Variants in CNPY1 observed in about 807,000 individuals in gnomAD.
CNPY1 encodes canopy FGF signaling regulator 1, also known as protein canopy homolog 1.
CNPY1 carries 14 observed loss-of-function variants against 14.4 expected under a neutral mutation model. The observed-to-expected ratio is 0.97, with a 90% CI of 0.64 to 1.52. CNPY1 has a LOEUF of 1.52. Among genes scored for constraint, CNPY1 ranks in the 40% most tolerant of loss-of-function variants. The pLI, the probability that CNPY1 is intolerant of heterozygous loss-of-function variation, is 0.00. For synonymous variants in CNPY1, 43 were observed against 46.5 expected (o/e 0.92, Z 0.31); for missense variants, 129 against 131.5 (o/e 0.98, Z 0.09).
chr7:155,526,351 G>T (rs1281131762), intron 2 of CNPY1, among the ~76,000 whole-genome samples: 1 of 152,214 alleles, frequency 6.6e-6, no homozygotes, highest in African/African-American at 2.4e-5. Context: ...AGAAAATTCA[G>T]AAAGCGATTT....
chr7:155,506,820 G>A (rs1796328502), intron 4 of CNPY1, 200 bp downstream of exon 4: 1 of 568,610 alleles, frequency 1.8e-6, no homozygotes, highest in Admixed American at 3.5e-5. Flanking sequence ...CAAAGAGGAA[G>A]GCCACACAGC....
At chr7:155,511,064 A>G (rs1563087830) in intron 2 of CNPY1, among the ~76,000 whole-genome samples, 1 of 152,242 alleles carries the variant, frequency 6.6e-6, no homozygotes, top group Non-Finnish European at 1.5e-5. Context: ...AGTGAAGAGT[A>G]GACGCTGTCA....
chr7:155,521,052 AAAGAAG>A (rs1563091186), intron 2 of CNPY1, among the ~76,000 whole-genome samples: 1 of 134,456 alleles, frequency 7.4e-6, no homozygotes, highest in Non-Finnish European at 1.6e-5. Flanking sequence ...AAAAAAAAAG[AAAGAAG>A]GAAGGAAGGA....
In CNPY1 at chr7:155,521,780, A is replaced by G. The variant is rs184512978; in HGVS notation, c.100-12683T>C. ...ATTTGCGTACTGTCCCCAGCTGAGC[A>G]GAGTGGTGGCAGGGGCCTGGCACCC... On this transcript the variant is annotated intron_variant, in intron 2 of 4. Transcript: ENST00000636446. 2.3e-3 allele frequency among the ~76,000 whole-genome samples: 350 copies of G among 152,342 alleles called. 1 individual carries two copies. The highest frequency in any genetic ancestry group is 3.9e-3 in the South Asian group (19 of 4,830).
intron 2 of CNPY1, among the ~76,000 whole-genome samples, chr7:155,517,348 C>T (rs770417394): frequency 5.3e-5 from 8 of 152,182 alleles, no homozygotes; most frequent in Non-Finnish European, 8.8e-5. Context: ...CCCTGAGACA[C>T]CTTGATCCTA....
At chr7:155,527,264 C>T (rs1393130646) in intron 2 of CNPY1, among the ~76,000 whole-genome samples, 1 of 151,086 alleles carries the variant, frequency 6.6e-6, no homozygotes, top group African/African-American at 2.4e-5. Context: ...TATTTTAAAA[C>T]GTCGAAGCCA....
At chr7:155,509,650 G>T (rs564802876) in intron 2 of CNPY1, among the ~76,000 whole-genome samples, 1 of 152,152 alleles carries the variant, frequency 6.6e-6, no homozygotes, top group Non-Finnish European at 1.5e-5. Context: ...TTGGCTGCGC[G>T]TCCCCCACGC....
chr7:155,519,685 C>T (rs1363558922), intron 2 of CNPY1, among the ~76,000 whole-genome samples: 1 of 152,032 alleles, frequency 6.6e-6, no homozygotes, highest in Non-Finnish European at 1.5e-5. Flanking sequence ...TAAATAAAAT[C>T]TTTTGTGTTG....
At chr7:155,504,655 G>A (rs548860811) in intron 4 of CNPY1, among the ~76,000 whole-genome samples, 1 of 150,876 alleles carries the variant, frequency 6.6e-6, no homozygotes, top group Admixed American at 6.6e-5. Flanking sequence ...ACTCAGTAAA[G>A]AGTTATTGCT....
rs750582011 is a variant in CNPY1 at position 155,536,329 on chromosome 7, C to T, written c.99+9502G>A. Among the ~76,000 whole-genome samples the T allele has an allele frequency of 9.2e-5, 14 of 152,098 alleles. No individual in the cohort carries two copies. The highest frequency in any genetic ancestry group is 1.5e-4 in the Non-Finnish European group (10 of 68,022). On this transcript the variant is annotated intron_variant, in intron 2 of 4. Transcript: ENST00000636446. The surrounding 1 kb of genome is among the most constrained non-coding windows in gnomAD (Gnocchi z 4.1). ...CTGGGAGGTTAGAAAGCCTACGGGCCGCTCTGTGCTTGAGACCTATAGTCA... is the reference window on the plus strand; with the variant it reads ...CTGGGAGGTTAGAAAGCCTACGGGCTGCTCTGTGCTTGAGACCTATAGTCA...
At chr7:155,521,075 G>GAAGC (rs1251139868) in intron 2 of CNPY1, among the ~76,000 whole-genome samples, 6 of 149,670 alleles carry the variant, frequency 4.0e-5, no homozygotes, top group Admixed American at 1.3e-4. Context: ...AGGAAGGAAG[G>GAAGC]AAGCAAGGAA....
intron 4 of CNPY1, among the ~76,000 whole-genome samples, chr7:155,505,767 C>T (rs1352772611): frequency 6.6e-6 from 1 of 152,230 alleles, no homozygotes; most frequent in African/African-American, 2.4e-5. Flanking sequence ...TTGTTTGAAA[C>T]ACTTTAAAAA....
intron 2 of CNPY1, among the ~76,000 whole-genome samples, chr7:155,525,160 T>A (rs979621526): frequency 1.3e-5 from 2 of 152,160 alleles, no homozygotes; most frequent in African/African-American, 4.8e-5. Flanking sequence ...CTGAGGATAG[T>A]ATAGCATTTC....
intron 2 of CNPY1, among the ~76,000 whole-genome samples, chr7:155,541,526 C>G (rs907183409): frequency 5.9e-5 from 9 of 152,198 alleles, no homozygotes; most frequent in African/African-American, 2.2e-4. Context: ...TCTAATCATT[C>G]CCCACACCAC....
chr7:155,515,880 A>C (rs923938015), intron 2 of CNPY1, among the ~76,000 whole-genome samples: 1 of 152,190 alleles, frequency 6.6e-6, no homozygotes, highest in Non-Finnish European at 1.5e-5. Flanking sequence ...TAAAACAAAA[A>C]CAAGAACAGA....
At chr7:155,533,704 A>G (rs1019956246) in intron 2 of CNPY1, 2 of 152,200 alleles carry the variant, frequency 1.3e-5, no homozygotes, top group African/African-American at 4.8e-5. Context: ...AGCAATAGCT[A>G]TGGGATTAAG....
At chr7:155,529,058 A>C (rs376659762) in intron 2 of CNPY1, among the ~76,000 whole-genome samples, 2 of 31,366 alleles carry the variant, frequency 6.4e-5, no homozygotes, top group Non-Finnish European at 1.4e-4. Context: ...GAGACTCCAT[A>C]TCAAAAAAAA....
At chr7:155,519,896 GT>G (rs1433573466) in intron 2 of CNPY1, among the ~76,000 whole-genome samples, 4 of 152,170 alleles carry the variant, frequency 2.6e-5, no homozygotes, top group Non-Finnish European at 5.9e-5. Flanking sequence ...ACAGTTAGTG[GT>G]AACAGAGTGC....
At chr7:155,527,867 G>A (rs995469841) in intron 2 of CNPY1, among the ~76,000 whole-genome samples, 6 of 152,198 alleles carry the variant, frequency 3.9e-5, no homozygotes, top group Non-Finnish European at 5.9e-5. Flanking sequence ...GGTCCCGGCC[G>A]CTGCTGGGCC....
Sources: gnomAD v4.1 joint callset for allele counts (sites outside exome capture counted in the v4.1 genomes callset) on GRCh38, gnomAD v4.1.1 for gene constraint, Gnocchi (gnomAD v3.1) non-coding constraint, MANE v1.5 for transcripts, NCBI Gene and HGNC (gene_info 2026-07-23, HGNC 2026-07-21) for gene names.